The following BANK1 variants were observed in gnomAD, a reference collection of about 807,000 sequenced individuals.
BANK1 encodes the protein B cell scaffold protein with ankyrin repeats 1.
A neutral mutation model predicts 94.5 loss-of-function variants in BANK1; 95 were observed. The ratio of observed to expected loss-of-function variants is 1.00; its 90% confidence interval spans 0.85 to 1.19. The LOEUF is 1.19. Ranked by LOEUF, BANK1 falls within the 50% of genes most tolerant of loss-of-function variation. The pLI is 0.00. For missense variants in BANK1, 987 were observed against 932.2 expected, an observed-to-expected ratio of 1.06 and a Z score of -0.77; for synonymous variants, 334 against 308.4, an observed-to-expected ratio of 1.08 and a Z score of -0.87.
intron 7 of BANK1, among the ~76,000 whole-genome samples, chr4:101,938,403 T>C: frequency 6.6e-6 from 1 of 151,580 alleles, no homozygotes. Context: ...ACAGGGTTAC[T>C]ACAGTCAATA....
intron 7 of BANK1, among the ~76,000 whole-genome samples, chr4:102,019,114 A>G (rs1726810855): frequency 6.6e-6 from 1 of 151,986 alleles, no homozygotes; most frequent in Non-Finnish European, 1.5e-5. Context: ...TTTCACCTCT[A>G]AGGACTGAGT....
chr4:102,021,809 T>A (rs1726913027), intron 8 of BANK1, among the ~76,000 whole-genome samples: 1 of 152,098 alleles, frequency 6.6e-6, no homozygotes, highest in African/African-American at 2.4e-5. Flanking sequence ...AATCAAATAC[T>A]GATTTTTCCT....
At chr4:101,878,515 T>G (rs1728569738) in intron 5 of BANK1, among the ~76,000 whole-genome samples, 1 of 152,162 alleles carries the variant, frequency 6.6e-6, no homozygotes, top group Non-Finnish European at 1.5e-5. Flanking sequence ...AGCTTGAGAC[T>G]CCAACACCTC....
chr4:101,936,675 G>C (rs1185225361), intron 7 of BANK1, among the ~76,000 whole-genome samples: 1 of 151,348 alleles, frequency 6.6e-6, no homozygotes, highest in Non-Finnish European at 1.5e-5. Flanking sequence ...CTCCTCAAAA[G>C]AAGACATACA....
chr4:101,805,777 C>A (rs529974790), intron 1 of BANK1, among the ~76,000 whole-genome samples: 1 of 151,756 alleles, frequency 6.6e-6, no homozygotes, highest in East Asian at 1.9e-4. Context: ...CTGGTTTTGG[C>A]AATCTTTTTC....
At chr4:101,866,632 G>GAGTAA (rs1167274759) in intron 4 of BANK1, among the ~76,000 whole-genome samples, 20 of 118,672 alleles carry the variant, frequency 1.7e-4, no homozygotes, top group African/African-American at 2.7e-4. Flanking sequence ...ATGAGTATAG[G>GAGTAA]AATACCATTT....
intron 7 of BANK1, among the ~76,000 whole-genome samples, chr4:101,991,982 C>T (rs1312460181): frequency 2.6e-5 from 4 of 152,132 alleles, no homozygotes; most frequent in African/African-American, 9.7e-5. Flanking sequence ...TGAACCACTG[C>T]CTTTTGGTTC....
intron 7 of BANK1, 61 bp downstream of exon 7, chr4:101,918,250 T>A: frequency 8.3e-7 from 1 of 1,210,036 alleles, no homozygotes; most frequent in Non-Finnish European, 1.1e-6. Context: ...GAAGAGACTG[T>A]AAGAAGAAAA....
Position 101,790,879 on chromosome 4 carries a change from C to G in BANK1, c.-2C>G, listed in dbSNP as rs1724953246. 1 of 1,538,588 alleles carries G rather than the reference C, an allele frequency of 6.5e-7. No homozygotes were observed. Among genetic ancestry groups the G allele is most frequent in the Non-Finnish European group, 8.7e-7 (1 of 1,146,708 alleles). ...GCAGGCCCCTCGGCTTCAACCGCCA[C>G]AATGCTGCCAGCAGCGCCAGGCAAG... On this transcript the variant is annotated 5_prime_UTR_variant, in exon 1 of 17. Transcript: ENST00000322953.
intron 2 of BANK1, among the ~76,000 whole-genome samples, chr4:101,831,729 C>T (rs1726628957): frequency 6.6e-6 from 1 of 152,212 alleles, no homozygotes; most frequent in African/African-American, 2.4e-5. Flanking sequence ...CCCACCTTGG[C>T]CTCCTAAAGT....
Position 102,063,136 on chromosome 4 carries a change from A to C in BANK1, c.2210A>C (p.Tyr737Ser), listed in dbSNP as rs202199731. Residue 737 changes from tyrosine (Y) to serine (S), a missense_variant and splice_region_variant, in exon 13 of 17, where the codon TAT (tyrosine) becomes TCT (serine). By Grantham distance (144) the Tyr-to-Ser change is moderately radical (BLOSUM62 -2). Coordinates refer to ENST00000322953, the MANE Select transcript of BANK1 (RefSeq NM_017935.5). ...AAAAGGCCAGAAGAAGAAAATGTCT[A>C]TAGTAAGTAAGATTCGCCTGCTATT... ...IGKRPEEENV[Y>S]NKLTIVHHPG... is the part of the protein sequence containing the mutation. 1 of 1,611,252 alleles carries C rather than the reference A, an allele frequency of 6.2e-7. No homozygotes were observed. The highest frequency in any genetic ancestry group is 1.3e-5 in the African/African-American group (1 of 74,836).
At chr4:101,874,587 A>G (rs1285578690) in intron 5 of BANK1, among the ~76,000 whole-genome samples, 1 of 152,182 alleles carries the variant, frequency 6.6e-6, no homozygotes, top group Non-Finnish European at 1.5e-5. Context: ...CCTTGCTACA[A>G]ACTTTCAGTG....
At chr4:102,016,415 A>G (rs1403806311) in intron 7 of BANK1, among the ~76,000 whole-genome samples, 1 of 152,012 alleles carries the variant, frequency 6.6e-6, no homozygotes, top group East Asian at 1.9e-4. Flanking sequence ...GTAATGAAGC[A>G]CTCTCCAACA....
At chr4:101,845,907 C>T (rs976860050) in intron 2 of BANK1, among the ~76,000 whole-genome samples, 3 of 151,902 alleles carry the variant, frequency 2.0e-5, no homozygotes, top group Non-Finnish European at 4.4e-5. Flanking sequence ...GGTACAGGTG[C>T]ACAACGTGCA....
chr4:101,992,442 T>G (rs1195761100), intron 7 of BANK1, among the ~76,000 whole-genome samples: 1 of 152,200 alleles, frequency 6.6e-6, no homozygotes, highest in Non-Finnish European at 1.5e-5. Flanking sequence ...TATCTTGGAT[T>G]ATGTACTTTT....
chr4:101,802,483 T>C (rs13146194), intron 1 of BANK1, among the ~76,000 whole-genome samples: 37,903 of 152,156 alleles, frequency 0.25, 5,262 homozygotes, highest in Non-Finnish European at 0.32. Flanking sequence ...TTTATAATTA[T>C]GGAAAGAAAA....
At chr4:102,025,946 T>C (rs1727078862) in intron 9 of BANK1, among the ~76,000 whole-genome samples, 2 of 152,218 alleles carry the variant, frequency 1.3e-5, no homozygotes, top group South Asian at 4.1e-4. Context: ...AGACAAAAAG[T>C]GAAATGCTAA....
intron 1 of BANK1, chr4:101,813,700 T>G: frequency 6.1e-6 from 1 of 164,018 alleles, no homozygotes; most frequent in South Asian, 2.0e-4. Flanking sequence ...CCTAGAATTT[T>G]TAGCCCTTGC....
intron 5 of BANK1, among the ~76,000 whole-genome samples, chr4:101,893,221 G>C (rs1328709256): frequency 6.6e-6 from 1 of 151,874 alleles, no homozygotes; most frequent in East Asian, 1.9e-4. Context: ...AAGTGCTGTG[G>C]TACCCTCCAT....
Sources: allele counts gnomAD v4.1 joint callset (sites outside exome capture counted in the v4.1 genomes callset), GRCh38; gene constraint gnomAD v4.1.1; transcripts MANE v1.5; gene names NCBI Gene and HGNC (gene_info 2026-07-23, HGNC 2026-07-21).